GLRX2: variants seen among roughly 807,000 people sequenced by gnomAD.
GLRX2 encodes the protein bA101E13.1 (GRX2 glutaredoxin (thioltransferase) 2).
GLRX2 carries 12 observed loss-of-function variants against 16.4 expected under a neutral mutation model. The observed-to-expected ratio is 0.73, with a 90% confidence interval of 0.47 to 1.19. The LOEUF (loss-of-function observed/expected upper bound fraction) is 1.19, where lower values mean the gene tolerates loss of function less well. GLRX2 is among the 50% of genes most tolerant of loss of function. The pLI, the probability that GLRX2 is intolerant of heterozygous loss-of-function variation, is 0.00. For synonymous variants in GLRX2, 95 were observed against 76.2 expected, an observed-to-expected ratio of 1.25 and a Z score of -1.28; for missense variants, 201 against 201.8, an observed-to-expected ratio of 1.00 and a Z score of 0.02.
chr1:193,105,717 A>G, upstream of GLRX2: 1 of 1,471,844 alleles, frequency 6.8e-7, no homozygotes, highest in Non-Finnish European at 9.0e-7. Context: ...GTGCATGAGG[A>G]TGGTGGCAGA....
Position 193,101,183 on chromosome 1 carries a change from T to C in GLRX2, c.141A>G (p.Ser47=), listed in dbSNP as rs1359807024. The C allele has an allele frequency of 1.9e-6, 3 of 1,607,140 alleles. No individual in the cohort carries two copies. Among genetic ancestry groups the C allele is most frequent in the Admixed American group, 3.3e-5 (2 of 59,994 alleles). The part of the protein sequence containing the change: ...AASGMESNTS[S]SLENLATAPV... The stretch of plus-strand genomic sequence containing the variant: ...GCGCCGTCGCTAAATTCTCCAAAGA[T>C]GATGATGTATTGCTCTCCATCCTAA... The change falls in exon 2 of 4, where the codon TCA becomes TCG. Residue 47 remains serine (S), a synonymous_variant. Transcript: ENST00000367439.
intron 1 of GLRX2, among the ~76,000 whole-genome samples, chr1:193,102,077 G>C (rs1207899728): frequency 6.6e-6 from 1 of 152,080 alleles, no homozygotes; most frequent in African/African-American, 2.4e-5. Context: ...AATCTTACAA[G>C]AGGATTATGA....
At chr1:193,105,606 G>A (rs748187752), upstream of GLRX2, 2 of 1,606,068 alleles carry the variant, frequency 1.2e-6, no homozygotes, top group African/African-American at 1.4e-5. Context: ...TTAGAGGGGA[G>A]AAGCGGCTCA....
upstream of GLRX2, chr1:193,105,898 G>T (rs1223034373): frequency 4.4e-6 from 5 of 1,123,876 alleles, no homozygotes; most frequent in African/African-American, 8.2e-5. Flanking sequence ...AAATTATGGG[G>T]ATATTGGGGT....
chr1:193,103,764 A>G (rs1675126073), intron 1 of GLRX2, among the ~76,000 whole-genome samples: 2 of 152,182 alleles, frequency 1.3e-5, no homozygotes, highest in African/African-American at 4.8e-5. Flanking sequence ...AATGTTTACA[A>G]TCTATTATTC....
In GLRX2 at chr1:193,096,597, T is replaced by C; in HGVS notation, c.*28A>G. The C allele has an allele frequency of 7.2e-7, 1 of 1,390,936 alleles. No homozygotes were observed. The highest frequency in any genetic ancestry group is 1.4e-5 in the African/African-American group (1 of 69,958). The allele number at this position is 1,390,936 out of a possible 1,614,324, so 86.2% of individuals were successfully genotyped here. On this transcript the variant is annotated 3_prime_UTR_variant, in exon 4 of 4. Coordinates refer to ENST00000367439, the MANE Select transcript of GLRX2 (RefSeq NM_197962.3). ...CATTACCACTTTAAATAACTGACAC[T>C]GTACTAGCAAACTTATTAGTATAAA...
chr1:193,101,344 A>T, intron 1 of GLRX2, 140 bp from the exon 2 acceptor site: 1 of 627,358 alleles, frequency 1.6e-6, no homozygotes, highest in Non-Finnish European at 2.8e-6. Context: ...TATTATCAGT[A>T]CAAAATGTCA....
rs752170073 is a variant in GLRX2, at chr1:193,101,140, C to G, written c.183+1G>C. The G allele has an allele frequency of 1.2e-6, 2 of 1,603,246 alleles. No homozygotes were observed. Among genetic ancestry groups the G allele is most frequent in the East Asian group, 4.5e-5 (2 of 44,824 alleles). On this transcript the variant is annotated splice_donor_variant, in intron 2 of 3. Coordinates refer to ENST00000367439, the MANE Select transcript of GLRX2 (RefSeq NM_197962.3). LOFTEE classifies it high-confidence loss of function. Reference sequence around the variant, plus strand: ...TTTCAATCATCTCCCACATCACTCACTTGGATCTGGTTCACAGGCGCCGTC... The same window carrying G: ...TTTCAATCATCTCCCACATCACTCAGTTGGATCTGGTTCACAGGCGCCGTC...
chr1:193,103,734 T>C (rs1266464131), intron 1 of GLRX2, among the ~76,000 whole-genome samples: 1 of 152,138 alleles, frequency 6.6e-6, no homozygotes, highest in Non-Finnish European at 1.5e-5. Context: ...AATTAAACAT[T>C]ATAACATTAT....
Position 193,101,207 on chromosome 1 carries a change from A to G in GLRX2, c.120-3T>C, listed in dbSNP as rs756254930. 1.3e-6 allele frequency: 2 copies of G among 1,585,940 alleles called. No homozygotes were observed. Among genetic ancestry groups the G allele is most frequent in the South Asian group, 1.1e-5 (1 of 90,408 alleles). On this transcript the variant is annotated splice_region_variant and splice_polypyrimidine_tract_variant and intron_variant, in intron 1 of 3. Coordinates refer to ENST00000367439, the MANE Select transcript of GLRX2 (RefSeq NM_197962.3). ...ATGATGATGTATTGCTCTCCATCCT[A>G]AAAGGAATTTAAGAGAACAATGTAG...
At chr1:193,098,739 C>T (rs1210685338) in intron 2 of GLRX2, among the ~76,000 whole-genome samples, 4 of 151,908 alleles carry the variant, frequency 2.6e-5, no homozygotes, top group South Asian at 2.1e-4. Flanking sequence ...TTAGTAGAGA[C>T]GGGGTTTCAC....
At chr1:193,105,589 A>AGGGTGC (rs1335327236), upstream of GLRX2, 2 of 1,607,550 alleles carry the variant, frequency 1.2e-6, no homozygotes, top group Non-Finnish European at 1.7e-6. Flanking sequence ...CCACGTGTAA[A>AGGGTGC]CATCCTTTAG....
At position 193,101,184 on chromosome 1, in the gene GLRX2, G is replaced by A. The variant is rs896862655; in HGVS notation, c.140C>T (p.Ser47Leu). 16 of 1,606,700 alleles carry A rather than the reference G, an allele frequency of 1.0e-5. No individual in the cohort carries two copies. In the Admixed American group the frequency reaches 2.2e-4, roughly 22 times the overall value. ...AASGMESNTS[S>L]SLENLATAPV... ...CGCCGTCGCTAAATTCTCCAAAGAT[G>A]ATGATGTATTGCTCTCCATCCTAAA... is the stretch of plus-strand genomic sequence containing the variant. The change falls in exon 2 of 4, where the codon TCA becomes TTA. Residue 47 changes from serine (S) to leucine (L), a missense_variant. Physicochemically the swap from Ser to Leu is moderately radical, Grantham distance 145 (BLOSUM62 -2). Transcript: ENST00000367439.
chr1:193,096,729 TAAAA>T lies in GLRX2; in HGVS notation c.387_390del (p.Phe130LeufsTer19), dbSNP rs751423249. On this transcript the variant is annotated frameshift_variant, in exon 4 of 4. Transcript: ENST00000367439. LOFTEE classifies it high-confidence loss of function. Reference sequence around the variant, plus strand: ...CTATGAGTGTCAGTTGCACCTCCAATAAAAGTACCATTGACAAATATTCTTGGAA... The same window carrying T: ...CTATGAGTGTCAGTTGCACCTCCAATGTACCATTGACAAATATTCTTGGAA... 4 of 1,611,444 alleles carry T rather than the reference TAAAA, an allele frequency of 2.5e-6. No homozygotes were observed. The highest frequency in any genetic ancestry group is 1.7e-5 in the Admixed American group (1 of 59,722).
rs1053141944 is a variant in GLRX2 at position 193,101,961 on chromosome 1, C to A, written c.120-757G>T. ...TCATCAAATCTTTTTATCCCTGGAA[C>A]CTTTTCTTCCCCATCCACTCATCTT... On this transcript the variant is annotated intron_variant, in intron 1 of 3. Coordinates refer to ENST00000367439, the MANE Select transcript of GLRX2 (RefSeq NM_197962.3). Among the ~76,000 whole-genome samples the A allele has an allele frequency of 4.6e-5, 7 of 152,048 alleles. No individual in the cohort carries two copies. In the South Asian group the frequency reaches 6.2e-4, roughly 13 times the overall value.
chr1:193,099,315 C>G (rs1252325069), intron 2 of GLRX2, among the ~76,000 whole-genome samples: 1 of 152,016 alleles, frequency 6.6e-6, no homozygotes. Flanking sequence ...GATTTAGCAC[C>G]CAGACATTTG....
chr1:193,103,890 A>G (rs1675128811), intron 1 of GLRX2, among the ~76,000 whole-genome samples: 1 of 152,192 alleles, frequency 6.6e-6, no homozygotes, highest in Admixed American at 6.5e-5. Context: ...CCAACCTGAG[A>G]GGAGGGTGAA....
chr1:193,105,476 C>T (rs887693150), upstream of GLRX2: 3 of 1,477,252 alleles, frequency 2.0e-6, no homozygotes, highest in African/African-American at 1.5e-5. Flanking sequence ...TTGCCCCGCC[C>T]CGTCCCGCCC....
In GLRX2 at chr1:193,105,408, C is replaced by T. The variant is rs1572131358; in HGVS notation, c.-26G>A. ...GGTCAGAGCCCGGATCTGCAGCGAG[C>T]TCTACTGCCGGACACCGCGGATCCC... is the stretch of plus-strand genomic sequence containing the variant. On this transcript the variant is annotated 5_prime_UTR_variant, in exon 1 of 4. Coordinates refer to ENST00000367439, the MANE Select transcript of GLRX2 (RefSeq NM_197962.3). 8.6e-6 allele frequency: 13 copies of T among 1,511,884 alleles called. No individual in the cohort carries two copies. The highest frequency in any genetic ancestry group is 1.2e-5 in the South Asian group (1 of 80,520). The allele number at this position is 1,511,884 out of a possible 1,614,324, so 93.7% of individuals were successfully genotyped here. A position where few individuals can be genotyped will look rare whatever the true frequency, so the allele number is the denominator to read the frequency against.
Sources: allele counts gnomAD v4.1 joint callset (sites outside exome capture counted in the v4.1 genomes callset), GRCh38; gene constraint gnomAD v4.1.1; transcripts MANE v1.5; gene names NCBI Gene and HGNC (gene_info 2026-07-23, HGNC 2026-07-21).